The following ALK variants were observed in gnomAD, a reference collection of about 807,000 sequenced individuals.
ALK encodes the protein ALK tyrosine kinase receptor.
In ALK, 74 loss-of-function variants were observed where a neutral mutation model predicts 163.1. The ratio of observed to expected loss-of-function variants is 0.45; its 90% CI spans 0.38 to 0.55. The LOEUF is 0.55. Among genes scored for constraint, ALK ranks in the 20% least tolerant of loss-of-function variants. The pLI is 0.00. For missense variants in ALK, 2,063 were observed against 2,105.3 expected, an observed-to-expected ratio of 0.98 and a Z score of 0.39; for synonymous variants, 960 against 843.2, an observed-to-expected ratio of 1.14 and a Z score of -2.40.
intron 1 of ALK, among the ~76,000 whole-genome samples, chr2:29,803,974 G>T (rs1364104043): frequency 1.3e-5 from 2 of 152,282 alleles, no homozygotes; most frequent in East Asian, 3.9e-4. Context: ...TAAGTAAGAT[G>T]GGAGACATAA....
chr2:29,675,880 T>C (rs370511932), intron 3 of ALK, among the ~76,000 whole-genome samples: 4 of 151,996 alleles, frequency 2.6e-5, no homozygotes, highest in Non-Finnish European at 1.5e-5. Flanking sequence ...GTAAGTTTTA[T>C]AAATCTTATT....
chr2:29,481,256 G>A (rs1187636274), intron 4 of ALK, among the ~76,000 whole-genome samples: 4 of 152,132 alleles, frequency 2.6e-5, no homozygotes, highest in Admixed American at 6.5e-5. Flanking sequence ...TTTCCTCTTA[G>A]TAAGAAAACA....
intron 3 of ALK, among the ~76,000 whole-genome samples, chr2:29,559,415 T>A (rs1673956700): frequency 6.6e-6 from 1 of 152,356 alleles, no homozygotes; most frequent in South Asian, 2.1e-4. Context: ...TGGGCTGAAT[T>A]CTGCATCACT....
chr2:29,614,455 T>A (rs1029393333), intron 3 of ALK, among the ~76,000 whole-genome samples: 3 of 152,248 alleles, frequency 2.0e-5, no homozygotes, highest in Admixed American at 6.5e-5. Context: ...CCTCCCAGGC[T>A]TGCTGAGCCT....
intron 3 of ALK, among the ~76,000 whole-genome samples, chr2:29,670,164 T>C (rs945741258): frequency 6.6e-6 from 1 of 152,142 alleles, no homozygotes; most frequent in Admixed American, 6.6e-5. Context: ...TTGTTTCAGA[T>C]TGAAGAACTA....
intron 1 of ALK, among the ~76,000 whole-genome samples, chr2:29,739,217 C>T (rs115299748): frequency 0.013 from 1,584 of 119,112 alleles, 34 homozygotes; most frequent in African/African-American, 0.05. Context: ...ACAGCCTAGG[C>T]AACAGGGCAA....
rs139690313 is a variant in ALK, at chr2:29,349,878, G to C, written c.1283-21397C>G. 7.4e-3 allele frequency among the ~76,000 whole-genome samples: 1,123 copies of C among 152,338 alleles called. 10 individuals carry two copies. The highest frequency in any genetic ancestry group is 0.026 in the African/African-American group (1,079 of 41,580). On this transcript the variant is annotated intron_variant, in intron 5 of 28. Coordinates refer to ENST00000389048, the MANE Select transcript of ALK (RefSeq NM_004304.5). Reference sequence around the variant, plus strand: ...GTAGAACCAGGACCTGCTGGGTCCTGTCACCATGGCTACAGTGAGGGCTGG... The same window carrying C: ...GTAGAACCAGGACCTGCTGGGTCCTCTCACCATGGCTACAGTGAGGGCTGG...
At chr2:29,538,871 C>G (rs1363119496) in intron 3 of ALK, among the ~76,000 whole-genome samples, 2 of 152,056 alleles carry the variant, frequency 1.3e-5, no homozygotes, top group African/African-American at 4.8e-5. Flanking sequence ...TTTCATAATT[C>G]TTGATTTTTA....
chr2:29,916,697 G>A (rs1338051507), intron 1 of ALK, among the ~76,000 whole-genome samples: 2 of 152,196 alleles, frequency 1.3e-5, no homozygotes, highest in Non-Finnish European at 2.9e-5. Flanking sequence ...CCTGGGTGGG[G>A]AGGGAGTGCT....
intron 3 of ALK, among the ~76,000 whole-genome samples, chr2:29,668,904 A>G (rs1677598556): frequency 6.6e-6 from 1 of 151,844 alleles, no homozygotes; most frequent in Non-Finnish European, 1.5e-5. Context: ...GTACAGGGGA[A>G]CTCCCCTTTA....
chr2:29,256,045 G>A (rs988719759), intron 11 of ALK, among the ~76,000 whole-genome samples: 6 of 152,216 alleles, frequency 3.9e-5, no homozygotes, highest in African/African-American at 1.4e-4. Flanking sequence ...ACCATGAGAA[G>A]ACAGGCAGAT....
chr2:29,862,536 T>A (rs1002969762), intron 1 of ALK, among the ~76,000 whole-genome samples: 1 of 152,064 alleles, frequency 6.6e-6, no homozygotes, highest in East Asian at 1.9e-4. Flanking sequence ...TATGATAGCA[T>A]TAAAAAACCT....
At chr2:29,687,945 G>C (rs1678285467) in intron 3 of ALK, among the ~76,000 whole-genome samples, 1 of 152,148 alleles carries the variant, frequency 6.6e-6, no homozygotes, top group Non-Finnish European at 1.5e-5. Context: ...CACCAAGATA[G>C]TTTTTTAGAT....
intron 4 of ALK, among the ~76,000 whole-genome samples, chr2:29,394,318 GAA>G (rs35815977): frequency 2.4e-4 from 33 of 137,174 alleles, no homozygotes; most frequent in East Asian, 2.1e-3. Flanking sequence ...ATCCAGACCA[GAA>G]AAAAAAAAAA....
At position 29,588,530 on chromosome 2, in the gene ALK, C is replaced by A. The variant is rs540414595; in HGVS notation, c.953-56414G>T. Among the ~76,000 whole-genome samples the A allele has an allele frequency of 2.0e-5, 3 of 152,186 alleles. No homozygotes were observed. In the East Asian group the frequency reaches 5.8e-4, roughly 29 times the overall value. ...ACAGACATGAGCCACCGCACCTGGC[C>A]GAGAAAGAAATTAAGCTCTCTTTTT... On this transcript the variant is annotated intron_variant, in intron 3 of 28. Transcript: ENST00000389048.
At chr2:29,606,560 G>C (rs1042122825) in intron 3 of ALK, among the ~76,000 whole-genome samples, 2 of 152,240 alleles carry the variant, frequency 1.3e-5, no homozygotes, top group Non-Finnish European at 2.9e-5. Flanking sequence ...GTCTCTGCAG[G>C]AAGATGAGCT....
chr2:29,591,070 CAAAAAAAAAAAAA>C (rs35070273), intron 3 of ALK, among the ~76,000 whole-genome samples: 4 of 46,910 alleles, frequency 8.5e-5, no homozygotes, highest in Non-Finnish European at 1.1e-4. Context: ...GACTCCGTCT[CAAAAAAAAAAAAA>C]AAAAAAAAAA....
At chr2:29,425,920 T>C (rs1230660777) in intron 4 of ALK, among the ~76,000 whole-genome samples, 1 of 152,090 alleles carries the variant, frequency 6.6e-6, no homozygotes, top group East Asian at 1.9e-4. Context: ...GAGAGAACCA[T>C]GGAAATAGAT....
At chr2:29,358,051 A>G (rs1443890797) in intron 5 of ALK, among the ~76,000 whole-genome samples, 3 of 152,230 alleles carry the variant, frequency 2.0e-5, no homozygotes. Context: ...GTTTTCACAG[A>G]TGGTAAACAG....
Sources: allele counts gnomAD v4.1 joint callset (sites outside exome capture counted in the v4.1 genomes callset), GRCh38; gene constraint gnomAD v4.1.1; transcripts MANE v1.5; gene names NCBI Gene and HGNC (gene_info 2026-07-23, HGNC 2026-07-21).